The following CENPF variants were observed in gnomAD, a reference collection of about 807,000 sequenced individuals.
The protein encoded by CENPF is AH antigen.
Under a neutral mutation model 307.3 loss-of-function variants are expected in CENPF, and 214 were observed. The ratio of observed to expected loss-of-function variants is 0.70; its 90% CI spans 0.62 to 0.78. The LOEUF is 0.78. CENPF is among the 30% of genes least tolerant of loss of function. CENPF has a pLI of 0.00. For synonymous variants in CENPF, 1,259 were observed against 1,270.6 expected (o/e 0.99, Z 0.19); for missense variants, 3,401 against 3,483.9 (o/e 0.98, Z 0.60).
intron 12 of CENPF, among the ~76,000 whole-genome samples, chr1:214,644,138 G>T (rs998136262): frequency 6.6e-6 from 1 of 152,194 alleles, no homozygotes; most frequent in Non-Finnish European, 1.5e-5. Context: ...TGGGAATCTG[G>T]TTATGAAACT....
chr1:214,619,829 C>T (rs1045607828), intron 5 of CENPF, among the ~76,000 whole-genome samples: 1 of 152,182 alleles, frequency 6.6e-6, no homozygotes, highest in African/African-American at 2.4e-5. Flanking sequence ...CTTTAACCCT[C>T]ATTTTGATGT....
chr1:214,663,403 T>C, intron 19 of CENPF, among the ~76,000 whole-genome samples, 188 bp from the exon 20 acceptor site: 1 of 152,302 alleles, frequency 6.6e-6, no homozygotes, highest in East Asian at 1.9e-4. Context: ...GGTTAGAGGT[T>C]GTACCTGGTA....
chr1:214,630,029 A>C (rs1453127063), intron 8 of CENPF, among the ~76,000 whole-genome samples: 1 of 152,212 alleles, frequency 6.6e-6, no homozygotes, highest in Non-Finnish European at 1.5e-5. Context: ...AAGAGTCTAT[A>C]GATTTTAAAT....
chr1:214,609,115 T>G (rs1298498889), intron 1 of CENPF, among the ~76,000 whole-genome samples: 2 of 150,430 alleles, frequency 1.3e-5, no homozygotes, highest in Non-Finnish European at 1.5e-5. Context: ...AGGGCCGCAC[T>G]CCATGGCGCC....
At chr1:214,606,437 C>A (rs1230962860) in intron 1 of CENPF, among the ~76,000 whole-genome samples, 1 of 152,210 alleles carries the variant, frequency 6.6e-6, no homozygotes, top group Non-Finnish European at 1.5e-5. Context: ...GTGTGCCCCC[C>A]ACATCCTGAA....
At chr1:214,609,199 C>T (rs555189204) in intron 1 of CENPF, among the ~76,000 whole-genome samples, 1 of 152,158 alleles carries the variant, frequency 6.6e-6, no homozygotes, top group Non-Finnish European at 1.5e-5. Flanking sequence ...GCCGCAGCTC[C>T]CCCCGAAGAA....
intron 1 of CENPF, 171 bp from the exon 2 acceptor site, chr1:214,613,543 T>G (rs1657254003): frequency 4.7e-6 from 2 of 430,014 alleles, no homozygotes; most frequent in East Asian, 3.9e-5. Flanking sequence ...TCAGAATCAA[T>G]TATTGGTTGC....
rs1418272033 is a variant in CENPF, at chr1:214,642,414, A to C, written c.4076A>C (p.Glu1359Ala). Residue 1359 changes from glutamate to alanine, a missense_variant, in exon 12 of 20, where the codon GAG becomes GCG. Glu to Ala is a moderately radical substitution (Grantham distance 107). Coordinates refer to ENST00000366955, the MANE Select transcript of CENPF (RefSeq NM_016343.4). Reference sequence around the variant, plus strand: ...GATGACAGTGGTCTTCTCCATGGTGAGTTAGTGGAAGACATACCAGGAGGT... The same window carrying C: ...GATGACAGTGGTCTTCTCCATGGTGCGTTAGTGGAAGACATACCAGGAGGT... The part of the protein sequence containing the change: ...LNDDSGLLHG[E>A]LVEDIPGGEF... 1 of 1,600,174 alleles carries C rather than the reference A, an allele frequency of 6.2e-7. No individual in the cohort carries two copies.
chr1:214,613,970 T>A, intron 2 of CENPF, 54 bp downstream of exon 2: 1 of 1,470,726 alleles, frequency 6.8e-7, no homozygotes, highest in South Asian at 1.3e-5. Flanking sequence ...GACAGAGAAG[T>A]GCTGGTATTT....
At chr1:214,618,772 T>C (rs1657428302) in intron 4 of CENPF, 78 bp downstream of exon 4, 6 of 1,409,334 alleles carry the variant, frequency 4.3e-6, no homozygotes, top group Non-Finnish European at 5.8e-6. Flanking sequence ...AATGAATTAA[T>C]TCAACTTTGA....
In CENPF at chr1:214,641,192, A is replaced by G. The variant is rs781106779; in HGVS notation, c.2854A>G (p.Ser952Gly). Residue 952 changes from serine (S) to glycine (G), a missense_variant, in exon 12 of 20, where the codon AGC becomes GGC. Ser to Gly is a moderately conservative substitution (Grantham distance 56). Transcript: ENST00000366955. Reference protein sequence around the residue: ...KELQLLSETLSLEKKEMSSII... With the variant: ...KELQLLSETLGLEKKEMSSII... ...GCTACAACTTTTATCCGAAACCCTA[A>G]GCTTGGAGAAGAAAGAAATGAGTTC... 15 of 1,607,404 alleles carry G rather than the reference A, an allele frequency of 9.3e-6. No homozygotes were observed. The Admixed American group carries it at 2.6e-4, about 28-fold the overall frequency.
intron 15 of CENPF, among the ~76,000 whole-genome samples, chr1:214,652,129 A>G (rs1194500296): frequency 7.3e-6 from 1 of 137,684 alleles, no homozygotes; most frequent in Non-Finnish European, 1.5e-5. Flanking sequence ...TCCGTCTCCC[A>G]GGTTTGCACC....
chr1:214,608,910 G>C, intron 1 of CENPF: 1 of 1,374,866 alleles, frequency 7.3e-7, no homozygotes, highest in Non-Finnish European at 9.3e-7. Flanking sequence ...TGGCCCGGCA[G>C]GGGAGGGGTG....
intron 1 of CENPF, chr1:214,613,019 AT>A: frequency 3.0e-6 from 1 of 333,206 alleles, no homozygotes; most frequent in African/African-American, 2.2e-5. Flanking sequence ...TTTAGACATC[AT>A]TAGGCACCAA....
chr1:214,644,167 GTA>G (rs1235079078), intron 12 of CENPF, among the ~76,000 whole-genome samples: 2 of 152,198 alleles, frequency 1.3e-5, no homozygotes, highest in Non-Finnish European at 2.9e-5. Context: ...TTATTAAAGA[GTA>G]TCATAAATGC....
In CENPF at chr1:214,630,540, T is replaced by C; in HGVS notation, c.1201T>C (p.Ser401Pro). Residue 401 changes from serine to proline, a missense_variant, in exon 9 of 20, where the codon TCC becomes CCC. Ser to Pro is a moderately conservative substitution (Grantham distance 74, BLOSUM62 -1). Transcript: ENST00000366955. The stretch of plus-strand genomic sequence containing the variant: ...CCTGCCCTTTGTTTTTCAGGAGCTC[T>C]CCCGTCAACAGCGTTCTTTCCAAAC... Reference protein sequence around the residue: ...EKEKEFQEELSRQQRSFQTLD... With the variant: ...EKEKEFQEELPRQQRSFQTLD... 1 of 1,614,088 alleles carries C rather than the reference T, an allele frequency of 6.2e-7. No individual in the cohort carries two copies. Among genetic ancestry groups the C allele is most frequent in the East Asian group, 2.2e-5 (1 of 44,876 alleles).
chr1:214,632,590 G>A lies in CENPF; in HGVS notation c.1434G>A (p.Arg478=). The change falls in exon 10 of 20, where the codon AGG becomes AGA. Residue 478 remains arginine, a synonymous_variant. Coordinates refer to ENST00000366955, the MANE Select transcript of CENPF (RefSeq NM_016343.4). ...QASQIKENEL[R]RSMEEMKKEN... Reference sequence around the variant, plus strand: ...GTCAGATCAAGGAGAATGAGCTGAGGAGAAGCATGGAGGTAAGGGAGGAGG... The same window carrying A: ...GTCAGATCAAGGAGAATGAGCTGAGAAGAAGCATGGAGGTAAGGGAGGAGG... The A allele has an allele frequency of 1.2e-6, 2 of 1,613,920 alleles. No individual in the cohort carries two copies. Among genetic ancestry groups the A allele is most frequent in the Non-Finnish European group, 8.5e-7 (1 of 1,179,918 alleles).
intron 1 of CENPF, 124 bp downstream of exon 1, chr1:214,603,445 C>A (rs188564247): frequency 6.6e-6 from 1 of 152,308 alleles, no homozygotes; most frequent in African/African-American, 2.4e-5. Flanking sequence ...GGATCACTCT[C>A]CCGGCCCTGT....
chr1:214,605,450 T>G (rs1483313616), intron 1 of CENPF: 5 of 520,076 alleles, frequency 9.6e-6, no homozygotes, highest in African/African-American at 5.7e-5. Context: ...TGTTTTTTTT[T>G]TTTTTTAAAT....
Sources: allele counts gnomAD v4.1 joint callset (sites outside exome capture counted in the v4.1 genomes callset), GRCh38; gene constraint gnomAD v4.1.1; transcripts MANE v1.5; gene names NCBI Gene and HGNC (gene_info 2026-07-23, HGNC 2026-07-21).